SLC25A37: variants seen among roughly 807,000 people sequenced by gnomAD.
SLC25A37 encodes the protein solute carrier family 25 member 37.
Under a neutral mutation model 31.0 loss-of-function variants are expected in SLC25A37, and 17 were observed. That is an observed-to-expected ratio of 0.55 (90% CI 0.38 to 0.82). SLC25A37 has a LOEUF of 0.82. SLC25A37 is among the 40% of genes least tolerant of loss of function. The pLI is 0.00. For synonymous variants in SLC25A37, 222 were observed against 193.0 expected (o/e 1.15, Z -1.24); for missense variants, 404 against 465.8 (o/e 0.87, Z 1.22).
At chr8:23,541,888 G>A (rs1397757520) in intron 1 of SLC25A37, 2 of 152,224 alleles carry the variant, frequency 1.3e-5, no homozygotes, top group African/African-American at 4.8e-5. Context: ...GGTGGAAGGG[G>A]TAAACCCAGG....
intron 2 of SLC25A37, 172 bp from the exon 3 acceptor site, chr8:23,568,150 A>G (rs1802717411): frequency 1.4e-6 from 1 of 721,036 alleles, no homozygotes; most frequent in Admixed American, 2.0e-5. Context: ...CATTTTTATC[A>G]TATTTCCACC....
chr8:23,556,092 T>A (rs1340974031), intron 1 of SLC25A37, among the ~76,000 whole-genome samples: 1 of 46,424 alleles, frequency 2.2e-5, no homozygotes, highest in Non-Finnish European at 4.7e-5. Context: ...TTCTTCTAAC[T>A]CTGCTTGAGT....
At chr8:23,559,421 A>G (rs2117439809) in intron 1 of SLC25A37, among the ~76,000 whole-genome samples, 1 of 152,138 alleles carries the variant, frequency 6.6e-6, no homozygotes, top group East Asian at 1.9e-4. Flanking sequence ...ATCCTGATTC[A>G]TTCATTTCCT....
At chr8:23,536,794 A>C (rs769753174) in intron 1 of SLC25A37, among the ~76,000 whole-genome samples, 22 of 152,238 alleles carry the variant, frequency 1.4e-4, no homozygotes, top group Non-Finnish European at 2.8e-4. Flanking sequence ...CTGTATCTGT[A>C]GTACTTCTTG....
chr8:23,539,922 A>C (rs961829411), intron 1 of SLC25A37, among the ~76,000 whole-genome samples: 11 of 152,156 alleles, frequency 7.2e-5, no homozygotes, highest in African/African-American at 2.7e-4. Context: ...TAATAACTTT[A>C]CCCATTTCAG....
intron 2 of SLC25A37, chr8:23,567,079 T>A (rs545920787): frequency 6.6e-6 from 1 of 152,486 alleles, no homozygotes; most frequent in South Asian, 2.1e-4. Context: ...TCCAGTGGGG[T>A]TGGCTTTTAT....
At chr8:23,560,577 A>T (rs891155755) in intron 1 of SLC25A37, among the ~76,000 whole-genome samples, 6 of 152,220 alleles carry the variant, frequency 3.9e-5, no homozygotes, top group Non-Finnish European at 7.3e-5. Context: ...TGCAGGATGA[A>T]TGAGGCTCTG....
In SLC25A37 at chr8:23,571,931, GATC is replaced by G; in HGVS notation, c.*79_*81del. On this transcript the variant is annotated 3_prime_UTR_variant, in exon 4 of 4. Transcript: ENST00000519973. ...GCCCCTTGCCCTCTCCTCACACGTA[GATC>G]ATTTTTTTTTTGCAGGGTGCTGCCT... The G allele has an allele frequency of 2.7e-6, 4 of 1,465,676 alleles. No homozygotes were observed. Among genetic ancestry groups the G allele is most frequent in the Non-Finnish European group, 3.7e-6 (4 of 1,093,296 alleles). The allele number at this position is 1,465,676 out of a possible 1,614,324, so 90.8% of individuals were successfully genotyped here.
At chr8:23,545,232 C>G (rs559238813) in intron 1 of SLC25A37, among the ~76,000 whole-genome samples, 1 of 152,200 alleles carries the variant, frequency 6.6e-6, no homozygotes, top group South Asian at 2.1e-4. Flanking sequence ...GTACCAGGGC[C>G]TGCTCTGGAG....
chr8:23,543,709 AT>A (rs1297713502), intron 1 of SLC25A37, among the ~76,000 whole-genome samples: 3 of 151,656 alleles, frequency 2.0e-5, no homozygotes, highest in Non-Finnish European at 4.4e-5. Flanking sequence ...TAAATTTTGT[AT>A]TTTTAGTAGA....
Position 23,529,984 on chromosome 8 carries a change from C to T in SLC25A37, c.210+772C>T, listed in dbSNP as rs891828720. ...TCCTTTAAACCCTGTCTGTCACTTGCCCCGGTAGTTTTAACTGCATTTCTG... is the reference window on the plus strand; with the variant it reads ...TCCTTTAAACCCTGTCTGTCACTTGTCCCGGTAGTTTTAACTGCATTTCTG... On this transcript the variant is annotated intron_variant, in intron 1 of 3. Coordinates refer to ENST00000519973, the MANE Select transcript of SLC25A37 (RefSeq NM_016612.4). The surrounding 1 kb of genome is among the most constrained non-coding windows in gnomAD (Gnocchi z 4.1). Among the ~76,000 whole-genome samples, 3 of 152,122 alleles carry T rather than the reference C, an allele frequency of 2.0e-5. No individual in the cohort carries two copies. Among genetic ancestry groups the T allele is most frequent in the African/African-American group, 7.2e-5 (3 of 41,412 alleles).
At chr8:23,537,024 C>T (rs1048691450) in intron 1 of SLC25A37, among the ~76,000 whole-genome samples, 1 of 151,680 alleles carries the variant, frequency 6.6e-6, no homozygotes, top group African/African-American at 2.4e-5. Flanking sequence ...AGCGAGACCC[C>T]ATAGGTACAA....
chr8:23,571,397 A>G lies in SLC25A37; in HGVS notation c.559A>G (p.Thr187Ala), dbSNP rs200162172. 2.5e-6 allele frequency: 4 copies of G among 1,613,502 alleles called. No individual in the cohort carries two copies. The highest frequency in any genetic ancestry group is 1.7e-5 in the Admixed American group (1 of 59,980). Residue 187 changes from threonine to alanine, a missense_variant, in exon 4 of 4, where the codon ACG becomes GCG. Transcript: ENST00000519973. ...CCGGTCAGCAATCAGCTGCATCCGG[A>G]CGGTGTGGAGGACCGAGGGGTTGGG... is the stretch of plus-strand genomic sequence containing the variant. ...QHRSAISCIRTVWRTEGLGAF... is the reference protein window; with the variant it reads ...QHRSAISCIRAVWRTEGLGAF...
chr8:23,573,560 T>A lies in SLC25A37; in HGVS notation c.*1705T>A. 3.6e-6 allele frequency: 1 copy of A among 278,312 alleles called. No individual in the cohort carries two copies. Among genetic ancestry groups the A allele is most frequent in the Non-Finnish European group, 7.5e-6 (1 of 133,852 alleles). The allele number at this position is 278,312 out of a possible 1,614,324, so 17.2% of individuals were successfully genotyped here. A position where few individuals can be genotyped will look rare whatever the true frequency, so the allele number is the denominator to read the frequency against. On this transcript the variant is annotated 3_prime_UTR_variant, in exon 4 of 4. Transcript: ENST00000519973. ...CGAGGAGGCGCAGGCCTGGATTCTT[T>A]TGAGTGGTGCTACTGCCTAGGAAGT...
chr8:23,566,568 C>T, intron 2 of SLC25A37: 2 of 1,293,186 alleles, frequency 1.5e-6, no homozygotes, highest in Non-Finnish European at 2.0e-6. Context: ...GGGGAGAAAT[C>T]AGTGACAGAG....
chr8:23,560,916 A>T (rs1802498616), intron 1 of SLC25A37, among the ~76,000 whole-genome samples: 1 of 152,102 alleles, frequency 6.6e-6, no homozygotes, highest in Non-Finnish European at 1.5e-5. Flanking sequence ...GGAGGGAGAG[A>T]AGAAAAATAA....
intron 1 of SLC25A37, among the ~76,000 whole-genome samples, chr8:23,542,024 A>G (rs12549025): frequency 0.14 from 21,538 of 152,216 alleles, 2,001 homozygotes; most frequent in Admixed American, 0.25. Flanking sequence ...GAAGATTCAC[A>G]TGGTATTTGT....
At position 23,575,203 on chromosome 8, in the gene SLC25A37, A is replaced by G. The variant is rs1291884872; in HGVS notation, c.*3348A>G. The G allele has an allele frequency of 6.6e-6, 1 of 152,144 alleles. No homozygotes were observed. Among genetic ancestry groups the G allele is most frequent in the Non-Finnish European group, 1.5e-5 (1 of 68,008 alleles). The allele number at this position is 152,144 out of a possible 1,614,324, so 9.4% of individuals were successfully genotyped here. On this transcript the variant is annotated 3_prime_UTR_variant, in exon 4 of 4. Transcript: ENST00000519973. The stretch of plus-strand genomic sequence containing the variant: ...TGCCAATAAGGTTTTATTTAACTTT[A>G]TTTAAGGATGATTGTGTCTTTGAAT...
At chr8:23,538,861 G>A (rs1197220428) in intron 1 of SLC25A37, among the ~76,000 whole-genome samples, 6 of 152,308 alleles carry the variant, frequency 3.9e-5, no homozygotes, top group South Asian at 2.1e-4. Context: ...AGCTGCTGCC[G>A]TCTTGCAGGT....
Sources: allele counts gnomAD v4.1 joint callset (sites outside exome capture counted in the v4.1 genomes callset), GRCh38; gene constraint gnomAD v4.1.1; non-coding constraint Gnocchi (gnomAD v3.1); transcripts MANE v1.5; gene names NCBI Gene and HGNC (gene_info 2026-07-23, HGNC 2026-07-21).